The following GAB4 variants were observed in gnomAD, a reference collection of about 807,000 sequenced individuals.
GAB4 encodes GRB2-associated-binding protein 4.
GAB4 carries 26 observed loss-of-function variants against 51.3 expected under a neutral mutation model. The observed-to-expected ratio is 0.51, with a 90% CI of 0.37 to 0.70. The LOEUF (loss-of-function observed/expected upper bound fraction) is 0.70, where lower values mean the gene tolerates loss of function less well. GAB4 is among the 30% of genes least tolerant of loss of function. GAB4 has a pLI of 0.00. For missense variants in GAB4, 759 were observed against 734.6 expected, an observed-to-expected ratio of 1.03 and a Z score of -0.38; for synonymous variants, 329 against 291.2, an observed-to-expected ratio of 1.13 and a Z score of -1.32.
At chr22:16,970,320 G>C (rs1340929080) in intron 3 of GAB4, 127 bp from the exon 4 acceptor site, 3 of 1,033,432 alleles carry the variant, frequency 2.9e-6, no homozygotes, top group East Asian at 5.0e-5. Flanking sequence ...AAGAGGAATT[G>C]GGCAGACCTG....
At chr22:16,973,562 A>G (rs1358331659) in intron 3 of GAB4, among the ~76,000 whole-genome samples, 7 of 152,152 alleles carry the variant, frequency 4.6e-5, no homozygotes, top group Non-Finnish European at 1.0e-4. Context: ...CTGGGTGTAT[A>G]TGCCTCACCT....
At chr22:17,002,420 C>A (rs913689784) in intron 1 of GAB4, among the ~76,000 whole-genome samples, 4 of 152,072 alleles carry the variant, frequency 2.6e-5, no homozygotes, top group African/African-American at 9.7e-5. Context: ...CCAGGCCTGC[C>A]TTACAAGAGC....
intron 1 of GAB4, among the ~76,000 whole-genome samples, chr22:17,001,834 T>C (rs1285703788): frequency 6.6e-6 from 1 of 152,116 alleles, no homozygotes; most frequent in Non-Finnish European, 1.5e-5. Flanking sequence ...CCAGGCCACT[T>C]TGTTTACCTA....
intron 3 of GAB4, among the ~76,000 whole-genome samples, chr22:16,986,056 GGAATACA>G (rs1393647837): frequency 6.6e-6 from 1 of 152,222 alleles, no homozygotes; most frequent in Non-Finnish European, 1.5e-5. Flanking sequence ...AGAGGAGGAA[GGAATACA>G]GAAAGTGGAC....
chr22:16,967,070 G>C, intron 5 of GAB4: 1 of 152,234 alleles, frequency 6.6e-6, no homozygotes, highest in East Asian at 1.9e-4. Context: ...AGATGTCTGG[G>C]CACTTCTAGC....
At chr22:16,968,427 T>A in intron 4 of GAB4, 44 bp from the exon 5 acceptor site, 1 of 1,420,884 alleles carries the variant, frequency 7.0e-7, no homozygotes, top group South Asian at 1.1e-5. Flanking sequence ...AGCTGATCCA[T>A]GTGTTGATGC....
chr22:16,985,323 A>C (rs900768528), intron 3 of GAB4, among the ~76,000 whole-genome samples: 6 of 152,156 alleles, frequency 3.9e-5, no homozygotes, highest in Non-Finnish European at 4.4e-5. Flanking sequence ...AGTTCTCTAA[A>C]CTGTGGGTCA....
At chr22:16,995,502 G>C (rs2060943649) in intron 1 of GAB4, among the ~76,000 whole-genome samples, 1 of 152,202 alleles carries the variant, frequency 6.6e-6, no homozygotes, top group African/African-American at 2.4e-5. Flanking sequence ...CCTGACCCCT[G>C]TCCCTCCTGA....
chr22:17,000,192 C>A (rs1018991202), intron 1 of GAB4, among the ~76,000 whole-genome samples: 1 of 152,176 alleles, frequency 6.6e-6, no homozygotes, highest in East Asian at 1.9e-4. Flanking sequence ...TTCCTGGATA[C>A]CTTTGTTAAT....
At chr22:17,002,135 C>T (rs60357735) in intron 1 of GAB4, among the ~76,000 whole-genome samples, 57 of 152,274 alleles carry the variant, frequency 3.7e-4, no homozygotes, top group African/African-American at 1.3e-3. Flanking sequence ...CCCCACCCTG[C>T]TCCGTGGGCT....
intron 1 of GAB4, among the ~76,000 whole-genome samples, chr22:16,998,621 A>G (rs1449522607): frequency 6.6e-6 from 1 of 152,122 alleles, no homozygotes; most frequent in East Asian, 1.9e-4. Flanking sequence ...TCTTTTTCTA[A>G]TTGAATACCC....
At chr22:16,988,493 G>A (rs1239546771) in intron 2 of GAB4, among the ~76,000 whole-genome samples, 1 of 152,216 alleles carries the variant, frequency 6.6e-6, no homozygotes, top group African/African-American at 2.4e-5. Flanking sequence ...GGTGAGTGCT[G>A]CCACCTCCCT....
intron 1 of GAB4, among the ~76,000 whole-genome samples, chr22:17,003,581 C>T (rs1236013328): frequency 6.6e-6 from 1 of 152,170 alleles, no homozygotes; most frequent in African/African-American, 2.4e-5. Context: ...TGAATGATTA[C>T]TGGGTAAATA....
At chr22:16,992,326 T>C (rs2060920896) in intron 1 of GAB4, 150 bp from the exon 2 acceptor site, 12 of 648,342 alleles carry the variant, frequency 1.9e-5, no homozygotes, top group Non-Finnish European at 2.9e-5. Flanking sequence ...AGGTGGAGAG[T>C]GACTTTGAAT....
chr22:16,970,048 G>C lies in GAB4; in HGVS notation c.832C>G (p.Gln278Glu). 6.2e-7 allele frequency: 1 copy of C among 1,614,190 alleles called. No homozygotes were observed. Among genetic ancestry groups the C allele is most frequent in the Non-Finnish European group, 8.5e-7 (1 of 1,180,034 alleles). Residue 278 changes from glutamine (Q) to glutamate (E), a missense_variant, in exon 4 of 10, where the codon CAG becomes GAG. This residue lies in a region of GAB4 where 588 missense variants were observed against 510.2 expected (regional missense o/e 1.15). Coordinates refer to ENST00000400588, the MANE Select transcript of GAB4 (RefSeq NM_001037814.1). ...CTGCCTCTGAATTCTGCATTGTGCT[G>C]GCTGGGCTTGGAAAGGCTATGGAAG... ...HGFHSLSKPSQHNAEFRGSTH... is the reference protein window; with the variant it reads ...HGFHSLSKPSEHNAEFRGSTH...
intron 5 of GAB4, chr22:16,967,425 G>A (rs1477426095): frequency 3.3e-5 from 5 of 152,564 alleles, no homozygotes; most frequent in East Asian, 1.9e-4. Context: ...ACTCGGCACT[G>A]GCAGGTCAGC....
chr22:17,006,421 G>A (rs1211978473), intron 1 of GAB4, among the ~76,000 whole-genome samples: 1 of 152,148 alleles, frequency 6.6e-6, no homozygotes, highest in Non-Finnish European at 1.5e-5. Flanking sequence ...GTGTAAATTA[G>A]TTCAACTATT....
intron 8 of GAB4, 36 bp downstream of exon 8, chr22:16,964,730 C>A: frequency 6.1e-6 from 9 of 1,470,802 alleles, no homozygotes; most frequent in South Asian, 1.2e-5. Context: ...CCAGGGGACT[C>A]TGATAGGAGC....
At chr22:16,969,776 G>A (rs61743878) in intron 4 of GAB4, 167 bp downstream of exon 4, 21,749 of 825,750 alleles carry the variant, frequency 0.026, 393 homozygotes, top group Middle Eastern at 0.058. Flanking sequence ...GGGAGGCTAT[G>A]GGCCCAGGAG....
Sources: allele counts gnomAD v4.1 joint callset (sites outside exome capture counted in the v4.1 genomes callset), GRCh38; gene constraint gnomAD v4.1.1; regional missense constraint gnomAD v4.1.1; transcripts MANE v1.5; gene names NCBI Gene and HGNC (gene_info 2026-07-23, HGNC 2026-07-21).